Variants in PPP2R2A observed in about 807,000 individuals in gnomAD.
PPP2R2A encodes protein phosphatase 2 regulatory subunit Balpha.
A neutral mutation model predicts 53.2 loss-of-function variants in PPP2R2A; 9 were observed. The ratio of observed to expected loss-of-function variants is 0.17; its 90% confidence interval spans 0.10 to 0.30. PPP2R2A has a LOEUF of 0.30. Among genes scored for constraint, PPP2R2A ranks in the 10% least tolerant of loss-of-function variants. The pLI, the probability that PPP2R2A is intolerant of heterozygous loss-of-function variation, is 1.00. For missense variants in PPP2R2A, 235 were observed against 534.6 expected (o/e 0.44, Z 5.53); for synonymous variants, 169 against 174.2 (o/e 0.97, Z 0.23).
In PPP2R2A at chr8:26,362,105, AAG is replaced by A. The variant is rs1158834371; in HGVS notation, c.638-577_638-576del. 1.3e-5 allele frequency among the ~76,000 whole-genome samples: 2 copies of A among 150,754 alleles called. No individual in the cohort carries two copies. The highest frequency in any genetic ancestry group is 3.0e-5 in the Non-Finnish European group (2 of 67,768). ...ATTAATAATTAGATTAGATTAGAAAAAGATTAGAAAAAGAAAGATTAAAGATT... is the reference window on the plus strand; with the variant it reads ...ATTAATAATTAGATTAGATTAGAAAAATTAGAAAAAGAAAGATTAAAGATT... On this transcript the variant is annotated intron_variant, in intron 6 of 9. Transcript: ENST00000380737. The surrounding 1 kb of genome is among the most constrained non-coding windows in gnomAD (Gnocchi z 4.4).
At chr8:26,364,326 C>T (rs958612521) in intron 8 of PPP2R2A, among the ~76,000 whole-genome samples, 1 of 152,188 alleles carries the variant, frequency 6.6e-6, no homozygotes, top group Non-Finnish European at 1.5e-5. Flanking sequence ...GGTGTTCTGC[C>T]TTTTGGCAGA....
At chr8:26,308,942 C>G (rs1170165422) in intron 2 of PPP2R2A, among the ~76,000 whole-genome samples, 1 of 152,010 alleles carries the variant, frequency 6.6e-6, no homozygotes, top group Non-Finnish European at 1.5e-5. Flanking sequence ...CTCACTGCAG[C>G]CTTGACTTCC....
intron 2 of PPP2R2A, among the ~76,000 whole-genome samples, chr8:26,324,958 C>T (rs1369177727): frequency 6.6e-6 from 1 of 150,764 alleles, no homozygotes; most frequent in Non-Finnish European, 1.5e-5. Flanking sequence ...CCAATTTATC[C>T]TATTTGGAAT....
intron 2 of PPP2R2A, among the ~76,000 whole-genome samples, chr8:26,304,018 C>G (rs188530251): frequency 1.3e-5 from 2 of 152,200 alleles, no homozygotes; most frequent in African/African-American, 4.8e-5. Flanking sequence ...TTCCAGTTCA[C>G]AGGGTCTGTG....
chr8:26,359,173 A>G (rs924724052), intron 4 of PPP2R2A: 1 of 196,220 alleles, frequency 5.1e-6, no homozygotes, highest in Admixed American at 5.3e-5. Flanking sequence ...GATATTCTAC[A>G]AAGTACCTCA....
At chr8:26,355,485 C>CT (rs1804728796) in intron 4 of PPP2R2A, among the ~76,000 whole-genome samples, 1 of 152,160 alleles carries the variant, frequency 6.6e-6, no homozygotes, top group Admixed American at 6.5e-5. Flanking sequence ...CTCAAGCAGT[C>CT]TGCCCCGCTC....
chr8:26,336,385 AACC>A lies in PPP2R2A; in HGVS notation c.83-2502_83-2500del, dbSNP rs1387871552. 2.5e-4 allele frequency among the ~76,000 whole-genome samples: 38 copies of A among 152,208 alleles called. 1 individual carries two copies. Among genetic ancestry groups the A allele is most frequent in the Admixed American group, 2.5e-3 (38 of 15,284 alleles). On this transcript the variant is annotated intron_variant, in intron 2 of 9. Coordinates refer to ENST00000380737, the MANE Select transcript of PPP2R2A (RefSeq NM_002717.4). ...TCAAGGCTGCAGTGAGGTATGATTG[AACC>A]ACTGCATTCCAGCTGGGGCAACAAA...
chr8:26,367,881 A>C (rs1250363430), intron 9 of PPP2R2A, among the ~76,000 whole-genome samples: 3 of 152,246 alleles, frequency 2.0e-5, no homozygotes, highest in Non-Finnish European at 4.4e-5. Context: ...AGTATCCAGC[A>C]TTTAGTTGTC....
intron 2 of PPP2R2A, among the ~76,000 whole-genome samples, chr8:26,300,141 A>G (rs561006965): frequency 6.6e-6 from 1 of 152,306 alleles, no homozygotes; most frequent in African/African-American, 2.4e-5. Context: ...ATTATGAGAG[A>G]GAATGGCCAT....
At position 26,372,216 on chromosome 8, in the gene PPP2R2A, G is replaced by A. The variant is rs1276479172; in HGVS notation, c.*1803G>A. On this transcript the variant is annotated 3_prime_UTR_variant, in exon 10 of 10. Transcript: ENST00000380737. ...CATTCTATGTCTGATAATTCTTAATGGCACTTTTACTAATTTATTTGGGGA... is the reference window on the plus strand; with the variant it reads ...CATTCTATGTCTGATAATTCTTAATAGCACTTTTACTAATTTATTTGGGGA... The A allele has an allele frequency of 6.6e-6, 1 of 152,120 alleles. No individual in the cohort carries two copies. The highest frequency in any genetic ancestry group is 1.5e-5 in the Non-Finnish European group (1 of 68,022). 9.4% of individuals were successfully genotyped at this position (152,120 alleles called of 1,614,324 possible). A position where few individuals can be genotyped will look rare whatever the true frequency, so the allele number is the denominator to read the frequency against.
At chr8:26,317,525 T>C (rs1345792553) in intron 2 of PPP2R2A, among the ~76,000 whole-genome samples, 3 of 152,218 alleles carry the variant, frequency 2.0e-5, no homozygotes, top group Non-Finnish European at 1.5e-5. Flanking sequence ...GATAGATAAA[T>C]TCTGCAATAT....
At chr8:26,343,918 T>A (rs1386469084) in intron 3 of PPP2R2A, among the ~76,000 whole-genome samples, 1 of 152,144 alleles carries the variant, frequency 6.6e-6, no homozygotes, top group Non-Finnish European at 1.5e-5. Context: ...ATGTGTACAT[T>A]TTCCCCCCAT....
At chr8:26,351,109 T>A (rs191721185) in intron 3 of PPP2R2A, among the ~76,000 whole-genome samples, 5 of 152,330 alleles carry the variant, frequency 3.3e-5, no homozygotes, top group Admixed American at 2.6e-4. Flanking sequence ...ATTATTAATA[T>A]AATACAGTTG....
intron 2 of PPP2R2A, among the ~76,000 whole-genome samples, chr8:26,298,181 T>C (rs1801626357): frequency 6.6e-6 from 1 of 152,178 alleles, no homozygotes; most frequent in African/African-American, 2.4e-5. Context: ...CTGGACATTT[T>C]TGTTTCAATT....
chr8:26,326,902 A>G (rs906493045), intron 2 of PPP2R2A, among the ~76,000 whole-genome samples: 1 of 152,208 alleles, frequency 6.6e-6, no homozygotes, highest in Non-Finnish European at 1.5e-5. Context: ...AAAAAACCAC[A>G]CCTATAGACT....
intron 2 of PPP2R2A, among the ~76,000 whole-genome samples, chr8:26,312,330 A>G (rs1235248167): frequency 2.0e-5 from 3 of 152,342 alleles, no homozygotes; most frequent in Non-Finnish European, 2.9e-5. Context: ...TAAAATACAG[A>G]TGATGATGGT....
intron 1 of PPP2R2A, 148 bp from the exon 2 acceptor site, chr8:26,293,518 T>A: frequency 1.3e-6 from 1 of 777,794 alleles, no homozygotes; most frequent in East Asian, 2.7e-5. Flanking sequence ...GGGACTAACC[T>A]CTTTCCAAAC....
At chr8:26,345,665 C>T (rs1009469575) in intron 3 of PPP2R2A, among the ~76,000 whole-genome samples, 1 of 152,088 alleles carries the variant, frequency 6.6e-6, no homozygotes, top group Non-Finnish European at 1.5e-5. Flanking sequence ...ATTTCTGCCT[C>T]TTTTTTCAGG....
chr8:26,364,149 T>TC (rs1805252950), intron 8 of PPP2R2A, among the ~76,000 whole-genome samples: 3 of 152,218 alleles, frequency 2.0e-5, no homozygotes, highest in African/African-American at 7.2e-5. Flanking sequence ...TGTTTTTTTT[T>TC]CTGCCACTAT....
Sources: gnomAD v4.1 joint callset for allele counts (sites outside exome capture counted in the v4.1 genomes callset) on GRCh38, gnomAD v4.1.1 for gene constraint, Gnocchi (gnomAD v3.1) non-coding constraint, MANE v1.5 for transcripts, NCBI Gene and HGNC (gene_info 2026-07-23, HGNC 2026-07-21) for gene names.